Variants in DNAH10 observed in about 807,000 individuals in gnomAD.
DNAH10 encodes axonemal beta dynein heavy chain 10.
In DNAH10, 348 loss-of-function variants were observed where a neutral mutation model predicts 506.6. That is an observed-to-expected ratio of 0.69 (90% confidence interval 0.63 to 0.75). The LOEUF is 0.75. Ranked by LOEUF, DNAH10 falls within the 30% of genes least tolerant of loss-of-function variation. DNAH10 has a pLI of 0.00. For synonymous variants in DNAH10, 2,059 were observed against 2,198.6 expected, an observed-to-expected ratio of 0.94 and a Z score of 1.78; for missense variants, 5,179 against 5,787.1, an observed-to-expected ratio of 0.89 and a Z score of 3.41.
intron 78 of DNAH10, 38 bp from the exon 79 acceptor site, chr12:123,935,297 C>G (rs1306887830): frequency 3.8e-6 from 6 of 1,578,114 alleles, no homozygotes; most frequent in Non-Finnish European, 5.2e-6. Context: ...TCTGCACCCT[C>G]TCTCCGTGGG....
chr12:123,827,846 G>A (rs1308578800), intron 25 of DNAH10, among the ~76,000 whole-genome samples: 1 of 152,122 alleles, frequency 6.6e-6, no homozygotes, highest in Non-Finnish European at 1.5e-5. Context: ...TGGTGACGTG[G>A]AGTCTTAGCC....
chr12:123,894,510 G>T, intron 53 of DNAH10, 133 bp from the exon 54 acceptor site: 1 of 698,878 alleles, frequency 1.4e-6, no homozygotes, highest in Non-Finnish European at 2.4e-6. Context: ...CACCCGCCTT[G>T]GCCTCCCAAA....
Position 123,916,771 on chromosome 12 carries a change from A to G in DNAH10, c.11002+35A>G. ...TGTAGAACCTCCACTGCTAATTCAG[A>G]TGGTTATGAGGGAGACCGCAACCTC... On this transcript the variant is annotated intron_variant, in intron 63 of 78. Transcript: ENST00000673944. This position sits in a 1 kb window ranked among gnomAD's most constrained non-coding sequence, Gnocchi z 4.6. 1.3e-6 allele frequency: 2 copies of G among 1,575,820 alleles called. No individual in the cohort carries two copies. The highest frequency in any genetic ancestry group is 2.2e-5 in the East Asian group (1 of 44,516).
chr12:123,832,959 A>G (rs1441935438), intron 26 of DNAH10, among the ~76,000 whole-genome samples, 155 bp from the exon 27 acceptor site: 1 of 152,200 alleles, frequency 6.6e-6, no homozygotes, highest in Non-Finnish European at 1.5e-5. Flanking sequence ...ATAAGTGGCA[A>G]TTATTACCAT....
At chr12:123,783,345 G>A in intron 7 of DNAH10, 81 bp downstream of exon 7, 1 of 1,478,732 alleles carries the variant, frequency 6.8e-7, no homozygotes, top group Non-Finnish European at 9.3e-7. Flanking sequence ...TCTGGGGTCT[G>A]CATCATCTGG....
chr12:123,859,226 G>T lies in DNAH10; in HGVS notation c.6707G>T (p.Gly2236Val), dbSNP rs748907482. Residue 2236 changes from glycine to valine, a missense_variant, in exon 38 of 79, where the codon GGC becomes GTC. Gly to Val is a moderately radical substitution (Grantham distance 109). Around this residue, in one of 3 missense-constraint regions of DNAH10, gnomAD observed 4,844 missense variants for 5,430.5 expected, o/e 0.89. Transcript: ENST00000673944. ...ATGGTGGTGGGGCCCACCAGAGGGG[G>T]CAAGTCCGTCGTCATTAACACTCTG... is the stretch of plus-strand genomic sequence containing the variant. ...TTMVVGPTRG[G>V]KSVVINTLCQ... 1 of 1,610,684 alleles carries T rather than the reference G, an allele frequency of 6.2e-7. No individual in the cohort carries two copies. Among genetic ancestry groups the T allele is most frequent in the Non-Finnish European group, 8.5e-7 (1 of 1,178,784 alleles).
At chr12:123,870,543 G>C in intron 44 of DNAH10, 58 bp downstream of exon 44, 1 of 1,571,666 alleles carries the variant, frequency 6.4e-7, no homozygotes, top group Non-Finnish European at 8.6e-7. Flanking sequence ...CTCGCTCTAG[G>C]AGGAGGCAAA....
chr12:123,813,301 C>T lies in DNAH10; in HGVS notation c.3282C>T (p.Pro1094=). The T allele has an allele frequency of 2.5e-6, 4 of 1,614,076 alleles. No individual in the cohort carries two copies. The highest frequency in any genetic ancestry group is 3.4e-6 in the Non-Finnish European group (4 of 1,180,024). Reference sequence around the variant, plus strand: ...TAATTGAACAAGCTGTTATGATCCCCCAAAATGTCCACAGGATTCTGATCA... The same window carrying T: ...TAATTGAACAAGCTGTTATGATCCCTCAAAATGTCCACAGGATTCTGATCA... ...PQIIEQAVMI[P]QNVHRILINL... is the part of the protein sequence containing the mutation. The change falls in exon 20 of 79, where the codon CCC becomes CCT. Residue 1094 remains proline, a synonymous_variant. Transcript: ENST00000673944.
chr12:123,879,707 T>C lies in DNAH10; in HGVS notation c.8540T>C (p.Ile2847Thr), dbSNP rs1952417391. 1.2e-6 allele frequency: 2 copies of C among 1,613,918 alleles called. No homozygotes were observed. Among genetic ancestry groups the C allele is most frequent in the Non-Finnish European group, 1.7e-6 (2 of 1,179,872 alleles). Residue 2847 changes from isoleucine (I) to threonine (T), a missense_variant, in exon 50 of 79, where the codon ATA becomes ACA. Transcript: ENST00000673944. ...DDVEVVMRDP[I>T]LFGDFQMALH... Reference sequence around the variant, plus strand: ...GTGGAGGTGGTGATGAGGGATCCCATATTGTTTGGAGACTTCCAGATGGCT... The same window carrying C: ...GTGGAGGTGGTGATGAGGGATCCCACATTGTTTGGAGACTTCCAGATGGCT...
At chr12:123,914,627 G>T in intron 61 of DNAH10, 77 bp downstream of exon 61, 2 of 1,491,848 alleles carry the variant, frequency 1.3e-6, no homozygotes, top group Non-Finnish European at 1.8e-6. Flanking sequence ...ACCCTGGGGG[G>T]AGGCAATGGC....
chr12:123,790,952 C>T (rs568806283), intron 11 of DNAH10, among the ~76,000 whole-genome samples: 27 of 152,062 alleles, frequency 1.8e-4, no homozygotes, highest in Admixed American at 3.9e-4. Flanking sequence ...TAGTGAGATG[C>T]CCATCTCTAC....
intron 73 of DNAH10, among the ~76,000 whole-genome samples, chr12:123,930,920 C>T (rs773605042): frequency 1.8e-4 from 28 of 152,010 alleles, no homozygotes; most frequent in Non-Finnish European, 2.9e-4. Flanking sequence ...CATGGTGGCT[C>T]GCACCTGTAA....
At chr12:123,805,142 A>G (rs1594069601) in intron 18 of DNAH10, 102 bp downstream of exon 18, 1 of 1,255,472 alleles carries the variant, frequency 8.0e-7, no homozygotes, top group East Asian at 2.5e-5. Flanking sequence ...AATGAAAATC[A>G]GTTGGATGGT....
intron 70 of DNAH10, 193 bp from the exon 71 acceptor site, chr12:123,929,082 T>TG: frequency 1.6e-6 from 1 of 626,662 alleles, no homozygotes. Context: ...TCTTGACCCT[T>TG]GACCCTGAGA....
rs537972183 is a variant in DNAH10, at chr12:123,774,065, G to A, written c.506-84G>A. 4.1e-5 allele frequency: 35 copies of A among 852,564 alleles called. No homozygotes were observed. The African/African-American group carries it at 5.2e-4, about 13-fold the overall frequency. 52.8% of individuals were successfully genotyped at this position (852,564 alleles called of 1,614,324 possible). ...TTCCTTGTAGCAGCTTGGGAAGAAG[G>A]AGAAGATTCCTGTTCTCTTGGAAAT... On this transcript the variant is annotated intron_variant, in intron 4 of 78. Transcript: ENST00000673944.
Position 123,917,640 on chromosome 12 carries a change from C to T in DNAH10, c.11059C>T (p.Arg3687Trp), listed in dbSNP as rs768738966. 7 of 1,551,642 alleles carry T rather than the reference C, an allele frequency of 4.5e-6. No homozygotes were observed. The highest frequency in any genetic ancestry group is 2.4e-5 in the East Asian group (1 of 40,914). The change falls in exon 64 of 79, where the codon CGG becomes TGG. Residue 3687 changes from arginine (R) to tryptophan (W), a missense_variant. This residue lies in a region of DNAH10 where 4,844 missense variants were observed against 5,430.5 expected (regional missense o/e 0.89). Transcript: ENST00000673944. This position sits in a 1 kb window ranked among gnomAD's most constrained non-coding sequence, Gnocchi z 5.6. ...GAGCGTGCTGGTGGCTTACGAGAGG[C>T]GGGAGCTGGAGGAGCAGCGGGAGCA... ...LLSVLVAYERRELEEQREHLI... is the reference protein window; with the variant it reads ...LLSVLVAYERWELEEQREHLI...
intron 54 of DNAH10, among the ~76,000 whole-genome samples, chr12:123,895,089 C>T (rs567164240): frequency 6.6e-6 from 1 of 152,328 alleles, no homozygotes; most frequent in African/African-American, 2.4e-5. Flanking sequence ...ATGCTACAAC[C>T]GCAAAGCTGA....
intron 21 of DNAH10, among the ~76,000 whole-genome samples, chr12:123,815,483 A>C (rs140148607): frequency 5.0e-4 from 76 of 152,222 alleles, no homozygotes; most frequent in African/African-American, 1.3e-3. Flanking sequence ...TTTCATTTTA[A>C]TTTTTAAATA....
intron 53 of DNAH10, among the ~76,000 whole-genome samples, chr12:123,893,928 A>G (rs767282066): frequency 5.3e-5 from 8 of 152,118 alleles, no homozygotes; most frequent in Non-Finnish European, 1.0e-4. Flanking sequence ...CTGCTGCCAC[A>G]AAGGATTAGA....
Sources: allele counts gnomAD v4.1 joint callset (sites outside exome capture counted in the v4.1 genomes callset), GRCh38; gene constraint gnomAD v4.1.1; regional missense constraint gnomAD v4.1.1; non-coding constraint Gnocchi (gnomAD v3.1); transcripts MANE v1.5; gene names NCBI Gene and HGNC (gene_info 2026-07-23, HGNC 2026-07-21).